The following GFOD1 variants were observed in gnomAD, a reference collection of about 807,000 sequenced individuals.
GFOD1 encodes Gfo/Idh/MocA-like oxidoreductase domain containing 1, also known as glucose-fructose oxidoreductase domain-containing protein 1.
Under a neutral mutation model 25.4 loss-of-function variants are expected in GFOD1, and 9 were observed. The ratio of observed to expected loss-of-function variants is 0.35; its 90% CI spans 0.21 to 0.62. GFOD1 has a LOEUF of 0.62. Among genes scored for constraint, GFOD1 ranks in the 20% least tolerant of loss-of-function variants. The probability of loss-of-function intolerance (pLI) is 0.72; values close to 1 mark genes in which losing one functional copy is unlikely to be tolerated. For missense variants in GFOD1, 403 were observed against 556.9 expected (o/e 0.72, Z 2.78); for synonymous variants, 253 against 245.6 (o/e 1.03, Z -0.28).
intron 1 of GFOD1, among the ~76,000 whole-genome samples, chr6:13,368,658 C>T (rs570353721): frequency 5.3e-5 from 8 of 152,178 alleles, no homozygotes; most frequent in East Asian, 1.9e-4. Context: ...GCTTAGTATA[C>T]GCTATTGGTC....
At position 13,409,160 on chromosome 6, in the gene GFOD1, A is replaced by G. The variant is rs1467193574; in HGVS notation, c.254-43498T>C. Among the ~76,000 whole-genome samples, 206 of 78,214 alleles carry G rather than the reference A, an allele frequency of 2.6e-3. 11 individuals are homozygous for G. The highest frequency in any genetic ancestry group is 5.2e-3 in the Middle Eastern group (1 of 194). The allele number at this position is 78,214 out of a possible 152,430, so 51.3% of individuals were successfully genotyped here. Reference sequence around the variant, plus strand: ...AAGAAAGAAAGAAAGAGAGGAAAGAAAGAAAGGAAAGAGAGAGAGAGAGAG... The same window carrying G: ...AAGAAAGAAAGAAAGAGAGGAAAGAGAGAAAGGAAAGAGAGAGAGAGAGAG... On this transcript the variant is annotated intron_variant, in intron 1 of 1. Transcript: ENST00000379287.
intron 1 of GFOD1, among the ~76,000 whole-genome samples, chr6:13,472,583 A>G (rs1363639882): frequency 6.6e-6 from 1 of 152,188 alleles, no homozygotes; most frequent in Non-Finnish European, 1.5e-5. Flanking sequence ...GCCCACACCC[A>G]CATAGCACAT....
intron 1 of GFOD1, among the ~76,000 whole-genome samples, chr6:13,386,015 C>T (rs888933077): frequency 6.6e-6 from 1 of 151,934 alleles, no homozygotes; most frequent in African/African-American, 2.4e-5. Flanking sequence ...TGACTCCATT[C>T]CCTTATCCTA....
chr6:13,365,590 T>C lies in GFOD1; in HGVS notation c.326A>G (p.His109Arg). Residue 109 changes from histidine to arginine, a missense_variant, in exon 2 of 2, where the codon CAC (histidine) becomes CGC (arginine). His to Arg is a conservative substitution (Grantham distance 29). Transcript: ENST00000379287. The surrounding 1 kb of genome is among the most constrained non-coding windows in gnomAD (Gnocchi z 9.2). ...GATGCTCATGAGCTTGGGGTAGTAG[T>C]GGGCGGCCGAGGTCATGCGGAAAGC... is the stretch of plus-strand genomic sequence containing the variant. ...LDAFRMTSAA[H>R]YYPKLMSIMG... is the part of the protein sequence containing the mutation. 6.2e-7 allele frequency: 1 copy of C among 1,607,456 alleles called. No individual in the cohort carries two copies. Among genetic ancestry groups the C allele is most frequent in the Non-Finnish European group, 8.5e-7 (1 of 1,179,840 alleles).
At chr6:13,418,835 G>A (rs1786204658) in intron 1 of GFOD1, among the ~76,000 whole-genome samples, 1 of 152,222 alleles carries the variant, frequency 6.6e-6, no homozygotes, top group Admixed American at 6.5e-5. Flanking sequence ...AAGGTCTCCT[G>A]AGCACTGGTC....
At chr6:13,475,044 T>TA (rs1192368935) in intron 1 of GFOD1, among the ~76,000 whole-genome samples, 2 of 152,204 alleles carry the variant, frequency 1.3e-5, no homozygotes, top group African/African-American at 2.4e-5. Flanking sequence ...CCAAGTGAAG[T>TA]CTGCTACCTC....
intron 1 of GFOD1, among the ~76,000 whole-genome samples, chr6:13,482,421 G>A (rs1452559676): frequency 6.6e-6 from 1 of 151,770 alleles, no homozygotes; most frequent in Non-Finnish European, 1.5e-5. Flanking sequence ...AAGAATGAAT[G>A]GCATGCTACC....
chr6:13,394,615 C>T (rs1328783120), intron 1 of GFOD1, among the ~76,000 whole-genome samples: 5 of 148,924 alleles, frequency 3.4e-5, no homozygotes, highest in Admixed American at 2.1e-4. Flanking sequence ...ACTGGGACTA[C>T]AGGTGCATGC....
chr6:13,394,414 G>A (rs868549911), intron 1 of GFOD1, among the ~76,000 whole-genome samples: 9 of 151,698 alleles, frequency 5.9e-5, no homozygotes, highest in African/African-American at 1.9e-4. Context: ...GGTGTCTGGC[G>A]GGGGGAAGGA....
In GFOD1 at chr6:13,444,138, G is replaced by A. The variant is rs1379688789; in HGVS notation, c.253+42500C>T. On this transcript the variant is annotated intron_variant, in intron 1 of 1. Transcript: ENST00000379287. ...GCTCAACAATGGCAGACTGGGTAAA[G>A]AAAATGGGGTACATAAACACCATGG... Among the ~76,000 whole-genome samples, 5 of 152,136 alleles carry A rather than the reference G, an allele frequency of 3.3e-5. No homozygotes were observed. The East Asian group carries it at 9.6e-4, about 29-fold the overall frequency.
Position 13,365,518 on chromosome 6 carries a change from T to G in GFOD1, c.398A>C (p.Gln133Pro). 6.2e-7 allele frequency: 1 copy of G among 1,612,962 alleles called. No individual in the cohort carries two copies. The highest frequency in any genetic ancestry group is 8.5e-7 in the Non-Finnish European group (1 of 1,179,974). Reference sequence around the variant, plus strand: ...GCCCACGTAGCCCTCCTCGATCAGCTGCTTCATGCGCACGAAAGCCGGCAG... The same window carrying G: ...GCCCACGTAGCCCTCCTCGATCAGCGGCTTCATGCGCACGAAAGCCGGCAG... ...RFLPAFVRMK[Q>P]LIEEGYVGEP... Residue 133 changes from glutamine to proline, a missense_variant, in exon 2 of 2, where the codon CAG becomes CCG. Coordinates refer to ENST00000379287, the MANE Select transcript of GFOD1 (RefSeq NM_018988.4). The surrounding 1 kb of genome is among the most constrained non-coding windows in gnomAD (Gnocchi z 9.2).
At chr6:13,386,039 G>C (rs1403326610) in intron 1 of GFOD1, among the ~76,000 whole-genome samples, 1 of 149,284 alleles carries the variant, frequency 6.7e-6, no homozygotes, top group Admixed American at 6.7e-5. Flanking sequence ...GTTGCCCCAG[G>C]CCAGGGAGTT....
Position 13,360,679 on chromosome 6 carries a change from T to A in GFOD1, c.*4064A>T, listed in dbSNP as rs754890294. On this transcript the variant is annotated 3_prime_UTR_variant, in exon 2 of 2. Transcript: ENST00000379287. Reference sequence around the variant, plus strand: ...AATGGGAAGAAACACTGGCTACTTCTATGTGCAGCTCTACAGCCTCCTGGC... The same window carrying A: ...AATGGGAAGAAACACTGGCTACTTCAATGTGCAGCTCTACAGCCTCCTGGC... The A allele has an allele frequency of 2.2e-6, 1 of 456,224 alleles. No homozygotes were observed. The highest frequency in any genetic ancestry group is 2.0e-5 in the African/African-American group (1 of 50,096). The allele number at this position is 456,224 out of a possible 1,614,324, so 28.3% of individuals were successfully genotyped here. A position where few individuals can be genotyped will look rare whatever the true frequency, so the allele number is the denominator to read the frequency against.
At chr6:13,395,355 C>T (rs1785709686) in intron 1 of GFOD1, among the ~76,000 whole-genome samples, 1 of 152,192 alleles carries the variant, frequency 6.6e-6, no homozygotes, top group African/African-American at 2.4e-5. Flanking sequence ...TCCCAAGAGG[C>T]ACTGGATCCA....
intron 1 of GFOD1, among the ~76,000 whole-genome samples, chr6:13,480,092 A>G (rs1260877124): frequency 6.6e-6 from 1 of 152,178 alleles, no homozygotes; most frequent in Non-Finnish European, 1.5e-5. Flanking sequence ...GCCCTCTTCA[A>G]CATGAAGCAA....
intron 1 of GFOD1, among the ~76,000 whole-genome samples, chr6:13,403,069 T>C (rs1291723776): frequency 6.6e-6 from 1 of 151,864 alleles, no homozygotes; most frequent in Non-Finnish European, 1.5e-5. Context: ...CAAACCTAAA[T>C]GGTAGGGTTT....
At chr6:13,374,287 G>A (rs910686050) in intron 1 of GFOD1, among the ~76,000 whole-genome samples, 2 of 148,796 alleles carry the variant, frequency 1.3e-5, no homozygotes, top group African/African-American at 5.0e-5. Context: ...GTGTGTGTGT[G>A]TGTGTGTGTG....
chr6:13,389,805 TTAA>T (rs1258783144), intron 1 of GFOD1, among the ~76,000 whole-genome samples: 1 of 152,146 alleles, frequency 6.6e-6, no homozygotes, highest in East Asian at 1.9e-4. Flanking sequence ...TACCATATTA[TTAA>T]TATTTTCCAA....
At chr6:13,479,252 T>C (rs528181112) in intron 1 of GFOD1, among the ~76,000 whole-genome samples, 13 of 152,246 alleles carry the variant, frequency 8.5e-5, no homozygotes, top group Non-Finnish European at 1.8e-4. Context: ...AACTACTGTT[T>C]ATTGAGCTTG....
Sources: gnomAD v4.1 joint callset for allele counts (sites outside exome capture counted in the v4.1 genomes callset) on GRCh38, gnomAD v4.1.1 for gene constraint, Gnocchi (gnomAD v3.1) non-coding constraint, MANE v1.5 for transcripts, NCBI Gene and HGNC (gene_info 2026-07-23, HGNC 2026-07-21) for gene names.